NCOA4: variants seen among roughly 807,000 people sequenced by gnomAD.
The protein encoded by NCOA4 is nuclear receptor coactivator 4, also known as 70 kDa AR-activator.
In NCOA4, 31 loss-of-function variants were observed where a neutral mutation model predicts 69.5. The ratio of observed to expected loss-of-function variants is 0.45; its 90% CI spans 0.34 to 0.60. The LOEUF (loss-of-function observed/expected upper bound fraction) is 0.60, where lower values mean the gene tolerates loss of function less well. Among genes scored for constraint, NCOA4 ranks in the 20% least tolerant of loss-of-function variants. NCOA4 has a pLI of 0.02. For synonymous variants in NCOA4, 228 were observed against 252.4 expected (o/e 0.90, Z 0.92); for missense variants, 600 against 719.2 (o/e 0.83, Z 1.90).
Position 46,005,568 on chromosome 10 carries a change from T to C in NCOA4, c.*1024A>G, listed in dbSNP as rs879987886. On this transcript the variant is annotated 3_prime_UTR_variant, in exon 10 of 10. Transcript: ENST00000581486. ...TAACTTTAAGGAGACTGAGAAAACA[T>C]CAGTAGTTTTCACAAAGCTTCAATG... The C allele has an allele frequency of 4.5e-5, 10 of 220,694 alleles. No individual in the cohort carries two copies. In the South Asian group the frequency reaches 9.3e-4, roughly 20 times the overall value. The allele number at this position is 220,694 out of a possible 1,614,324, so 13.7% of individuals were successfully genotyped here.
At chr10:46,011,590 C>G (rs1839209534) in intron 7 of NCOA4, among the ~76,000 whole-genome samples, 1 of 151,972 alleles carries the variant, frequency 6.6e-6, no homozygotes, top group Non-Finnish European at 1.5e-5. Context: ...TGCATATTTA[C>G]TGTCTTGCCC....
rs548573280 is a variant in NCOA4 at position 46,022,141 on chromosome 10, C to T, written c.-14-5447G>A. Among the ~76,000 whole-genome samples the T allele has an allele frequency of 2.6e-3, 395 of 152,246 alleles. 2 individuals carry two copies. Among genetic ancestry groups the T allele is most frequent in the Non-Finnish European group, 3.9e-3 (267 of 68,020 alleles). Reference sequence around the variant, plus strand: ...ACTAGATCATCTGTAACCTCACCTTCCAACTCTCACATTCTCTGCCCCCCT... The same window carrying T: ...ACTAGATCATCTGTAACCTCACCTTTCAACTCTCACATTCTCTGCCCCCCT... On this transcript the variant is annotated intron_variant, in intron 1 of 9. Coordinates refer to ENST00000581486, the MANE Select transcript of NCOA4 (RefSeq NM_001145263.2).
intron 2 of NCOA4, 86 bp from the exon 3 acceptor site, chr10:46,015,352 T>TG: frequency 1.4e-5 from 7 of 505,412 alleles, no homozygotes; most frequent in Admixed American, 2.7e-5. Context: ...AAAACTTTTT[T>TG]TGGGGGGGTG....
Position 46,006,401 on chromosome 10 carries a change from A to G in NCOA4, c.*191T>C. Reference sequence around the variant, plus strand: ...GAACTGAATCACCTCAGCATGAATAAACAGCATTTTTCTTTTAAACAGTAA... The same window carrying G: ...GAACTGAATCACCTCAGCATGAATAGACAGCATTTTTCTTTTAAACAGTAA... On this transcript the variant is annotated 3_prime_UTR_variant, in exon 10 of 10. Transcript: ENST00000581486. 1.6e-6 allele frequency: 1 copy of G among 612,396 alleles called. No individual in the cohort carries two copies. The allele number at this position is 612,396 out of a possible 1,614,324, so 37.9% of individuals were successfully genotyped here.
chr10:46,027,198 A>T (rs1564930225), intron 1 of NCOA4, among the ~76,000 whole-genome samples: 1 of 150,696 alleles, frequency 6.6e-6, no homozygotes, highest in Non-Finnish European at 1.5e-5. Context: ...GTGAACCCGG[A>T]AGGCGGAGCT....
At chr10:46,023,410 CCGAGCCCGGG>C in intron 1 of NCOA4, 6 of 985,744 alleles carry the variant, frequency 6.1e-6, no homozygotes, top group Non-Finnish European at 7.2e-6. Context: ...CGAAAGGTCC[CCGAGCCCGGG>C]CCTCGTCCCG....
intron 1 of NCOA4, among the ~76,000 whole-genome samples, chr10:46,025,107 G>A (rs537575670): frequency 5.9e-5 from 9 of 152,176 alleles, no homozygotes; most frequent in Non-Finnish European, 1.3e-4. Context: ...CAGTCCAAGT[G>A]CAAAGGCCTC....
At chr10:46,018,478 T>C (rs980104398) in intron 1 of NCOA4, among the ~76,000 whole-genome samples, 19 of 152,256 alleles carry the variant, frequency 1.2e-4, no homozygotes, top group Admixed American at 6.5e-4. Flanking sequence ...AGGATTAGCC[T>C]GTTCCATGTT....
chr10:46,028,881 C>T (rs1554926015), intron 1 of NCOA4, among the ~76,000 whole-genome samples: 1 of 152,012 alleles, frequency 6.6e-6, no homozygotes, highest in Admixed American at 6.6e-5. Context: ...CAATGACTGG[C>T]TCTGAATGCT....
At chr10:46,012,800 CAAT>C (rs34542065) in intron 7 of NCOA4, 80 bp downstream of exon 7, 396,911 of 1,380,518 alleles carry the variant, frequency 0.29, 60,710 homozygotes, top group South Asian at 0.52. Context: ...AAAAAGTTAA[CAAT>C]GACACATAGT....
chr10:46,017,412 G>T (rs1463958282), intron 1 of NCOA4, among the ~76,000 whole-genome samples: 1 of 152,088 alleles, frequency 6.6e-6, no homozygotes, highest in East Asian at 1.9e-4. Context: ...ACATGTGGTG[G>T]TGTGCATCTG....
Position 46,010,906 on chromosome 10 carries a change from C to T in NCOA4, c.1015G>A (p.Asp339Asn). The change falls in exon 8 of 10, where the codon GAT becomes AAT. Residue 339 changes from aspartate (D) to asparagine (N), a missense_variant. Coordinates refer to ENST00000581486, the MANE Select transcript of NCOA4 (RefSeq NM_001145263.2). ...CAGGAGTCAGTCTTGACAAGCCAAT[C>T]ATTCACATTATAGGACTGGAATAAG... ...KLLFQSYNVN[D>N]WLVKTDSCTN... The T allele has an allele frequency of 6.2e-7, 1 of 1,613,986 alleles. No individual in the cohort carries two copies. The highest frequency in any genetic ancestry group is 8.5e-7 in the Non-Finnish European group (1 of 1,179,872).
At chr10:46,020,435 T>C (rs1839805983) in intron 1 of NCOA4, among the ~76,000 whole-genome samples, 2 of 152,220 alleles carry the variant, frequency 1.3e-5, no homozygotes, top group African/African-American at 4.8e-5. Flanking sequence ...CTGCACACCG[T>C]AAGCCCTCCA....
intron 1 of NCOA4, among the ~76,000 whole-genome samples, chr10:46,021,678 G>A (rs1164533900): frequency 5.9e-5 from 9 of 152,098 alleles, no homozygotes; most frequent in Non-Finnish European, 1.0e-4. Context: ...AAATAGTACT[G>A]GCCGGGCGCG....
rs782325298 is a variant in NCOA4, at chr10:46,013,631, A to G, written c.489T>C (p.Pro163=). Residue 163 remains proline, a synonymous_variant, in exon 6 of 10, where the codon CCT becomes CCC. Coordinates refer to ENST00000581486, the MANE Select transcript of NCOA4 (RefSeq NM_001145263.2). The stretch of plus-strand genomic sequence containing the variant: ...AACTAGCATGAGCCATCAAGTGCTC[A>G]GGAATTTGCTACAAAATAGAGATAA... The part of the protein sequence containing the change: ...TFGSLKTIQI[P]EHLMAHASSA... 6.2e-7 allele frequency: 1 copy of G among 1,607,864 alleles called. No individual in the cohort carries two copies. The highest frequency in any genetic ancestry group is 1.7e-5 in the Admixed American group (1 of 58,790).
At position 46,012,955 on chromosome 10, in the gene NCOA4, A is replaced by T; in HGVS notation, c.642T>A (p.Tyr214Ter). The T allele has an allele frequency of 6.2e-7, 1 of 1,614,236 alleles. No homozygotes were observed. The highest frequency in any genetic ancestry group is 8.5e-7 in the Non-Finnish European group (1 of 1,180,034). Residue 214 changes from tyrosine (Y) to a stop codon, truncating the protein, a stop_gained, in exon 7 of 10, where the codon TAT becomes TAA. Transcript: ENST00000581486. LOFTEE classifies it high-confidence loss of function. ...WLLGSKPASG[Y>*]QAPYIPSTDP... ...CGGTGCTGGGTATGTAAGGAGCTTG[A>T]TAACCACTGGCAGGTTTGCTTCCAA...
chr10:46,009,685 A>G, intron 8 of NCOA4, 134 bp from the exon 9 acceptor site: 1 of 807,958 alleles, frequency 1.2e-6, no homozygotes, highest in Non-Finnish European at 1.9e-6. Context: ...CAAAGGTGAC[A>G]ATTGTTATTT....
chr10:46,025,649 AC>A (rs1325635035), intron 1 of NCOA4, among the ~76,000 whole-genome samples: 1 of 151,974 alleles, frequency 6.6e-6, no homozygotes, highest in East Asian at 1.9e-4. Flanking sequence ...TCTTCTCCCT[AC>A]CTATCTGCTT....
intron 9 of NCOA4, 180 bp downstream of exon 9, chr10:46,009,231 A>C (rs1554920505): frequency 6.5e-7 from 1 of 1,531,764 alleles, no homozygotes; most frequent in African/African-American, 1.4e-5. Context: ...TTAATAAAGC[A>C]AATTCAATTA....
Sources: allele counts gnomAD v4.1 joint callset (sites outside exome capture counted in the v4.1 genomes callset), GRCh38; gene constraint gnomAD v4.1.1; transcripts MANE v1.5; gene names NCBI Gene and HGNC (gene_info 2026-07-23, HGNC 2026-07-21).